The following TNRC18 variants were observed in gnomAD, a reference collection of about 807,000 sequenced individuals.
TNRC18 encodes the protein trinucleotide repeat-containing gene 18 protein.
TNRC18 carries 69 observed loss-of-function variants against 226.7 expected under a neutral mutation model. The ratio of observed to expected loss-of-function variants is 0.30; its 90% CI spans 0.25 to 0.37. TNRC18 has a LOEUF of 0.37. TNRC18 is among the 10% of genes least tolerant of loss of function. The pLI is 1.00. For missense variants in TNRC18, 4,754 were observed against 4,256.6 expected, an observed-to-expected ratio of 1.12 and a Z score of -3.25; for synonymous variants, 2,449 against 1,927.6, an observed-to-expected ratio of 1.27 and a Z score of -7.09.
At chr7:5,423,190 G>T (rs2128227262) in intron 1 of TNRC18, 2 of 152,294 alleles carry the variant, frequency 1.3e-5, no homozygotes, top group Admixed American at 1.3e-4. Flanking sequence ...GCCGCCCCTC[G>T]GCCGGGCCAG....
intron 19 of TNRC18, among the ~76,000 whole-genome samples, chr7:5,328,802 G>A (rs894122862): frequency 3.3e-5 from 5 of 151,704 alleles, no homozygotes; most frequent in Admixed American, 2.0e-4. Flanking sequence ...GAGCCATTGC[G>A]CCCGGCTGAG....
intron 19 of TNRC18, 131 bp from the exon 20 acceptor site, chr7:5,325,379 A>G (rs1310033625): frequency 4.6e-6 from 4 of 872,750 alleles, no homozygotes; most frequent in Non-Finnish European, 6.5e-6. Flanking sequence ...GGAACAAAAC[A>G]CCCCTTCTCT....
At chr7:5,343,788 C>T (rs988930905) in intron 18 of TNRC18, among the ~76,000 whole-genome samples, 1 of 152,186 alleles carries the variant, frequency 6.6e-6, no homozygotes, top group Non-Finnish European at 1.5e-5. Context: ...CTACTGCACA[C>T]TTAATAGGCA....
Position 5,334,494 on chromosome 7 carries a change from T to C in TNRC18, c.5720-1445A>G, listed in dbSNP as rs562022652. On this transcript the variant is annotated intron_variant, in intron 18 of 29. Coordinates refer to ENST00000430969, the MANE Select transcript of TNRC18 (RefSeq NM_001080495.3). The stretch of plus-strand genomic sequence containing the variant: ...TTTTTTTTTTAGTAGAGACGGGGTT[T>C]CACCGTGTTAGGCAGGCTGGTCTCG... Among the ~76,000 whole-genome samples, 592 of 151,362 alleles carry C rather than the reference T, an allele frequency of 3.9e-3. 7 individuals carry two copies. The highest frequency in any genetic ancestry group is 0.017 in the Middle Eastern group (5 of 294).
At chr7:5,399,207 G>A (rs1163926653) in intron 2 of TNRC18, among the ~76,000 whole-genome samples, 1 of 152,100 alleles carries the variant, frequency 6.6e-6, no homozygotes, top group East Asian at 1.9e-4. Flanking sequence ...CAGGGTGCCA[G>A]GGGGCACTGA....
intron 18 of TNRC18, among the ~76,000 whole-genome samples, chr7:5,338,177 A>G (rs35125379): frequency 0.32 from 47,970 of 152,008 alleles, 9,049 homozygotes; most frequent in East Asian, 0.65. Flanking sequence ...TCTATTTTCT[A>G]TTTTTAAAAA....
Position 5,332,946 on chromosome 7 carries a change from G to T in TNRC18, c.5823C>A (p.Pro1941=). The T allele has an allele frequency of 6.4e-7, 1 of 1,551,800 alleles. No homozygotes were observed. The highest frequency in any genetic ancestry group is 2.4e-5 in the East Asian group (1 of 42,050). ...CGCCAGGCGTGGGTGCGGCCAGGGA[G>T]GGTCCCGGCTCCCCCAGCCCCTTCT... The part of the protein sequence containing the change: ...RPKKGLGEPG[P]SLAAPTPGAR... Residue 1941 remains proline (P), a synonymous_variant, in exon 19 of 30, where the codon CCC becomes CCA. Transcript: ENST00000430969.
intron 22 of TNRC18, 94 bp downstream of exon 22, chr7:5,320,979 C>A (rs1357467196): frequency 5.4e-6 from 5 of 920,374 alleles, no homozygotes; most frequent in Non-Finnish European, 8.3e-6. Flanking sequence ...GAAACCACAG[C>A]CCAGAAAGGA....
At chr7:5,383,513 T>C (rs1250220898) in intron 5 of TNRC18, among the ~76,000 whole-genome samples, 1 of 152,152 alleles carries the variant, frequency 6.6e-6, no homozygotes, top group Non-Finnish European at 1.5e-5. Context: ...AGGCTCTTGT[T>C]CAAGGTTACG....
intron 2 of TNRC18, chr7:5,420,362 G>C (rs1782480417): frequency 2.2e-6 from 1 of 456,128 alleles, no homozygotes; most frequent in Non-Finnish European, 4.4e-6. Flanking sequence ...GTCCGGTTTC[G>C]GTGTCCCTGC....
chr7:5,365,588 T>A (rs1793533742), intron 11 of TNRC18, among the ~76,000 whole-genome samples: 1 of 152,020 alleles, frequency 6.6e-6, no homozygotes, highest in South Asian at 2.1e-4. Flanking sequence ...TCTACCAAAT[T>A]TAAATGAGTT....
Position 5,389,067 on chromosome 7 carries a change from G to C in TNRC18, c.757C>G (p.Arg253Gly). Residue 253 changes from arginine to glycine, a missense_variant, in exon 5 of 30, where the codon CGG (arginine) becomes GGG (glycine). Coordinates refer to ENST00000430969, the MANE Select transcript of TNRC18 (RefSeq NM_001080495.3). The part of the protein sequence containing the change: ...QEARAEGRQD[R>G]GPPRLAERLS... The stretch of plus-strand genomic sequence containing the variant: ...CGCTCAGCCAGGCGCGGGGGCCCCC[G>C]GTCCTGGCGGCCCTCGGCGCGCGCC... 7.8e-7 allele frequency: 1 copy of C among 1,281,520 alleles called. No homozygotes were observed. The highest frequency in any genetic ancestry group is 9.9e-7 in the Non-Finnish European group (1 of 1,006,490). The allele number at this position is 1,281,520 out of a possible 1,614,324, so 79.4% of individuals were successfully genotyped here. A position where few individuals can be genotyped will look rare whatever the true frequency, so the allele number is the denominator to read the frequency against.
At chr7:5,413,415 A>T (rs1296485881) in intron 2 of TNRC18, among the ~76,000 whole-genome samples, 1 of 151,960 alleles carries the variant, frequency 6.6e-6, no homozygotes, top group African/African-American at 2.4e-5. Context: ...CAACCTCCAA[A>T]GGGCCATAAC....
intron 2 of TNRC18, among the ~76,000 whole-genome samples, chr7:5,402,286 C>T (rs540248783): frequency 9.3e-4 from 142 of 151,940 alleles, no homozygotes; most frequent in East Asian, 7.5e-3. Context: ...GTAATCCCAG[C>T]ACTTTGGGAG....
At chr7:5,343,180 C>G (rs950629996) in intron 18 of TNRC18, among the ~76,000 whole-genome samples, 17 of 152,010 alleles carry the variant, frequency 1.1e-4, no homozygotes, top group Admixed American at 8.5e-4. Flanking sequence ...ATGGGGAAAC[C>G]CTGTCTCTAT....
Position 5,309,080 on chromosome 7 carries a change from G to T in TNRC18, c.8625+52C>A, listed in dbSNP as rs1210235075. The stretch of plus-strand genomic sequence containing the variant: ...AGCACCCAGAACGCCTCGCCCTCAG[G>T]TCTGCCCTACACCGCCTAGGACTGG... On this transcript the variant is annotated intron_variant, in intron 28 of 29. Coordinates refer to ENST00000430969, the MANE Select transcript of TNRC18 (RefSeq NM_001080495.3). The surrounding 1 kb of genome is among the most constrained non-coding windows in gnomAD (Gnocchi z 5.7). The T allele has an allele frequency of 6.5e-6, 10 of 1,533,544 alleles. No homozygotes were observed. The African/African-American group carries it at 1.2e-4, about 19-fold the overall frequency. The allele number at this position is 1,533,544 out of a possible 1,614,324, so 95.0% of individuals were successfully genotyped here. A position where few individuals can be genotyped will look rare whatever the true frequency, so the allele number is the denominator to read the frequency against.
rs1794106220 is a variant in TNRC18, at chr7:5,371,079, A to G, written c.3515T>C (p.Leu1172Pro). ...VEDMDEGPTE[L>P]PPLESPLPLP... ...TGGCAGCGGCGACTCCAGAGGCGGC[A>G]GCTCTGTGGGGCCCTCGTCCATGTC... is the stretch of plus-strand genomic sequence containing the variant. The change falls in exon 11 of 30, where the codon CTG (leucine) becomes CCG (proline). Residue 1172 changes from leucine (L) to proline (P), a missense_variant. Coordinates refer to ENST00000430969, the MANE Select transcript of TNRC18 (RefSeq NM_001080495.3). 1.9e-6 allele frequency: 3 copies of G among 1,611,580 alleles called. No homozygotes were observed. Among genetic ancestry groups the G allele is most frequent in the Admixed American group, 1.7e-5 (1 of 59,976 alleles).
chr7:5,370,467 C>G lies in TNRC18; in HGVS notation c.4127G>C (p.Ser1376Thr). 4 of 1,577,960 alleles carry G rather than the reference C, an allele frequency of 2.5e-6. No individual in the cohort carries two copies. The highest frequency in any genetic ancestry group is 3.4e-6 in the Non-Finnish European group (4 of 1,161,682). Residue 1376 changes from serine (S) to threonine (T), a missense_variant, in exon 11 of 30, where the codon AGC becomes ACC. Physicochemically the swap from Ser to Thr is moderately conservative, Grantham distance 58. Coordinates refer to ENST00000430969, the MANE Select transcript of TNRC18 (RefSeq NM_001080495.3). ...QALEKLEAAESLVLEQSFLHG... is the reference protein window; with the variant it reads ...QALEKLEAAETLVLEQSFLHG... ...CAGGAAGCTCTGCTCCAAGACAAGG[C>G]TCTCGGCTGCTTCCAGCTTCTCCAA...
At chr7:5,413,817 G>A (rs1291988126) in intron 2 of TNRC18, among the ~76,000 whole-genome samples, 3 of 151,890 alleles carry the variant, frequency 2.0e-5, no homozygotes, top group Non-Finnish European at 2.9e-5. Context: ...ACAGGCATGA[G>A]CCACCATGCC....
Sources: gnomAD v4.1 joint callset for allele counts (sites outside exome capture counted in the v4.1 genomes callset) on GRCh38, gnomAD v4.1.1 for gene constraint, Gnocchi (gnomAD v3.1) non-coding constraint, MANE v1.5 for transcripts, NCBI Gene and HGNC (gene_info 2026-07-23, HGNC 2026-07-21) for gene names.